The following C1orf21 variants were observed in gnomAD, a reference collection of about 807,000 sequenced individuals.
C1orf21 encodes chromosome 1 open reading frame 21, also known as uncharacterized protein C1orf21.
In C1orf21, 3 loss-of-function variants were observed where a neutral mutation model predicts 18.7. The ratio of observed to expected loss-of-function variants is 0.16; its 90% CI spans 0.07 to 0.42. The LOEUF is 0.42. Among genes scored for constraint, C1orf21 ranks in the 10% least tolerant of loss-of-function variants. The probability of loss-of-function intolerance (pLI) is 0.99; values close to 1 mark genes in which losing one functional copy is unlikely to be tolerated. For synonymous variants in C1orf21, 41 were observed against 46.4 expected, an observed-to-expected ratio of 0.88 and a Z score of 0.47; for missense variants, 104 against 143.6, an observed-to-expected ratio of 0.72 and a Z score of 1.41.
At chr1:184,404,858 T>C (rs1303995173) in intron 1 of C1orf21, among the ~76,000 whole-genome samples, 4 of 152,176 alleles carry the variant, frequency 2.6e-5, no homozygotes, top group African/African-American at 9.7e-5. Flanking sequence ...TTGCTGGCCC[T>C]AAAGAATTTG....
chr1:184,549,554 G>A (rs1658782449), intron 3 of C1orf21, among the ~76,000 whole-genome samples: 1 of 151,704 alleles, frequency 6.6e-6, no homozygotes, highest in African/African-American at 2.4e-5. Context: ...CTGGTAAGGA[G>A]ATAACATTGT....
chr1:184,475,080 C>G (rs1657549612), intron 1 of C1orf21, among the ~76,000 whole-genome samples: 1 of 152,194 alleles, frequency 6.6e-6, no homozygotes, highest in Non-Finnish European at 1.5e-5. Context: ...AGAGGGGATT[C>G]TTCCCTTCTC....
rs1571285782 is a variant in C1orf21, at chr1:184,577,947, G to GTTTTGTTTTTTTTTTTT, written c.190-12788_190-12787insGTTTTTTTTTTTTTTTT. Among the ~76,000 whole-genome samples, 11 of 86,740 alleles carry GTTTTGTTTTTTTTTTTT rather than the reference G, an allele frequency of 1.3e-4. 1 individual carries two copies. Among genetic ancestry groups the GTTTTGTTTTTTTTTTTT allele is most frequent in the African/African-American group, 1.7e-4 (3 of 18,092 alleles). 56.9% of individuals were successfully genotyped at this position (86,740 alleles called of 152,430 possible). A position where few individuals can be genotyped will look rare whatever the true frequency, so the allele number is the denominator to read the frequency against. Reference sequence around the variant, plus strand: ...TCTTTGTCCGTTTGTTTTTTGTTTTGTTTTTGTTTTTTTTTTTTTTTTTTG... The same window carrying GTTTTGTTTTTTTTTTTT: ...TCTTTGTCCGTTTGTTTTTTGTTTTGTTTTGTTTTTTTTTTTTTTTTTGTTTTTTTTTTTTTTTTTTG... On this transcript the variant is annotated intron_variant, in intron 3 of 5. Transcript: ENST00000235307.
At chr1:184,562,812 T>G (rs990663649) in intron 3 of C1orf21, among the ~76,000 whole-genome samples, 1 of 151,508 alleles carries the variant, frequency 6.6e-6, no homozygotes, top group African/African-American at 2.4e-5. Context: ...AACAAGTAAT[T>G]TTGTAGACCA....
At chr1:184,422,077 C>T (rs79415672) in intron 1 of C1orf21, among the ~76,000 whole-genome samples, 1,932 of 152,166 alleles carry the variant, frequency 0.013, 32 homozygotes, top group African/African-American at 0.038. Context: ...GGAAGAAGTC[C>T]GATGGGATGG....
At chr1:184,503,043 A>G (rs990423927) in intron 2 of C1orf21, among the ~76,000 whole-genome samples, 10 of 139,010 alleles carry the variant, frequency 7.2e-5, no homozygotes, top group African/African-American at 2.8e-4. Flanking sequence ...ATGCCATTGC[A>G]CTCCAGCCTG....
chr1:184,465,195 G>A (rs1298794907), intron 1 of C1orf21, among the ~76,000 whole-genome samples: 1 of 152,124 alleles, frequency 6.6e-6, no homozygotes, highest in Non-Finnish European at 1.5e-5. Context: ...CCAGAGGAAG[G>A]ACCCAACAGA....
At chr1:184,410,514 T>C (rs1283170574) in intron 1 of C1orf21, among the ~76,000 whole-genome samples, 2 of 144,872 alleles carry the variant, frequency 1.4e-5, no homozygotes, top group Non-Finnish European at 3.0e-5. Context: ...CATATGATGG[T>C]ATTAAATAAG....
intron 2 of C1orf21, among the ~76,000 whole-genome samples, chr1:184,485,321 TA>T (rs1195614030): frequency 6.6e-6 from 1 of 152,168 alleles, no homozygotes; most frequent in South Asian, 2.1e-4. Flanking sequence ...AATTATTGAT[TA>T]CATGTTAAAT....
chr1:184,556,612 A>G (rs77997418), intron 3 of C1orf21, among the ~76,000 whole-genome samples: 12,518 of 152,280 alleles, frequency 0.082, 725 homozygotes, highest in African/African-American at 0.16. Context: ...ATGATTTTAA[A>G]TAGAAAATCT....
chr1:184,587,230 C>G (rs1255175729), intron 3 of C1orf21, among the ~76,000 whole-genome samples: 1 of 95,050 alleles, frequency 1.1e-5, no homozygotes, highest in African/African-American at 3.9e-5. Context: ...CAGCTTTGTT[C>G]TTTTTCCTTA....
chr1:184,504,780 T>C (rs930758597), intron 2 of C1orf21, among the ~76,000 whole-genome samples: 1 of 152,218 alleles, frequency 6.6e-6, no homozygotes, highest in Admixed American at 6.5e-5. Flanking sequence ...TCTGGCTTTG[T>C]AGTCGTGGCT....
chr1:184,392,340 C>G (rs1211021939), intron 1 of C1orf21, among the ~76,000 whole-genome samples: 1 of 152,184 alleles, frequency 6.6e-6, no homozygotes, highest in East Asian at 1.9e-4. Context: ...TTATTAGATT[C>G]ACTGCTGCTC....
chr1:184,536,128 A>T (rs1441942136), intron 3 of C1orf21, among the ~76,000 whole-genome samples: 1 of 152,192 alleles, frequency 6.6e-6, no homozygotes, highest in Non-Finnish European at 1.5e-5. Context: ...TACAGAGGGG[A>T]TGGCTGTATG....
At chr1:184,496,707 A>T (rs867448837) in intron 2 of C1orf21, among the ~76,000 whole-genome samples, 1 of 152,208 alleles carries the variant, frequency 6.6e-6, no homozygotes, top group Non-Finnish European at 1.5e-5. Context: ...AGTAGAGAAG[A>T]TGTGCTAAGG....
chr1:184,495,075 G>C (rs1020256064), intron 2 of C1orf21, among the ~76,000 whole-genome samples: 4 of 152,168 alleles, frequency 2.6e-5, no homozygotes, highest in African/African-American at 9.6e-5. Flanking sequence ...CATTCAACCT[G>C]AGAGTGAAGG....
chr1:184,539,676 T>G (rs1046784920), intron 3 of C1orf21, among the ~76,000 whole-genome samples: 2 of 152,154 alleles, frequency 1.3e-5, no homozygotes, highest in Non-Finnish European at 2.9e-5. Flanking sequence ...TCCTGCAAAG[T>G]TTCTTTATAT....
At chr1:184,506,473 A>C (rs1658063682) in intron 2 of C1orf21, among the ~76,000 whole-genome samples, 1 of 152,228 alleles carries the variant, frequency 6.6e-6, no homozygotes, top group East Asian at 1.9e-4. Context: ...AATCATAGTT[A>C]ATAAGAAAAT....
chr1:184,587,262 CTTTT>C (rs35263651), intron 3 of C1orf21, among the ~76,000 whole-genome samples: 4 of 76,472 alleles, frequency 5.2e-5, no homozygotes, highest in African/African-American at 8.3e-5. Context: ...GCTATTTGGG[CTTTT>C]TTTTTTTTTT....
Sources: allele counts gnomAD v4.1 joint callset (sites outside exome capture counted in the v4.1 genomes callset), GRCh38; gene constraint gnomAD v4.1.1; transcripts MANE v1.5; gene names NCBI Gene and HGNC (gene_info 2026-07-23, HGNC 2026-07-21).